XIAP: variants seen among roughly 807,000 people sequenced by gnomAD.
XIAP encodes the protein X-linked inhibitor of apoptosis, also known as E3 ubiquitin-protein ligase XIAP.
In XIAP, 3 loss-of-function variants were observed where a neutral mutation model predicts 33.1. That is an observed-to-expected ratio of 0.09 (90% CI 0.04 to 0.23). The LOEUF (loss-of-function observed/expected upper bound fraction) is 0.23. Ranked by LOEUF, XIAP falls within the 10% of genes least tolerant of loss-of-function variation. XIAP has a pLI of 1.00. For missense variants in XIAP, 264 were observed against 363.0 expected, an observed-to-expected ratio of 0.73 and a Z score of 2.22; for synonymous variants, 98 against 121.3, an observed-to-expected ratio of 0.81 and a Z score of 1.26.
Position 123,907,295 on chromosome X carries a change from GAA to G in XIAP, c.*121_*122del. The G allele has an allele frequency of 1.5e-6, 1 of 666,223 alleles. No homozygotes were observed. Among genetic ancestry groups the G allele is most frequent in the East Asian group, 3.5e-5 (1 of 28,506 alleles). The allele number at this position is 666,223 out of a possible 1,213,427, so 54.9% of individuals were successfully genotyped here. On this transcript the variant is annotated 3_prime_UTR_variant, in exon 7 of 7. Transcript: ENST00000371199. The stretch of plus-strand genomic sequence containing the variant: ...TCCATTAGCATTTGCTACCAAGTAG[GAA>G]AAAAAATGTACATGGCAGTGTTTTA...
At chrX:123,905,581 T>A (rs2053550880) in intron 6 of XIAP, among the ~76,000 whole-genome samples, 1 of 111,971 alleles carries the variant, frequency 8.9e-6, no homozygotes, top group Admixed American at 9.6e-5. Context: ...TATACTTTCC[T>A]GTTTGCTTGT....
chrX:123,889,551 C>T (rs1394427870), intron 3 of XIAP, among the ~76,000 whole-genome samples: 1 of 105,845 alleles, frequency 9.4e-6, no homozygotes, highest in Admixed American at 1.1e-4. Context: ...GAGTTTTGCT[C>T]TTGTCGCCCA....
In XIAP at chrX:123,911,861, T is replaced by C. The variant is rs773090758; in HGVS notation, c.*4680T>C. 1.8e-5 allele frequency: 6 copies of C among 327,604 alleles called. No homozygotes were observed. Among genetic ancestry groups the C allele is most frequent in the African/African-American group, 2.7e-5 (1 of 37,611 alleles). The allele number at this position is 327,604 out of a possible 1,213,427, so 27.0% of individuals were successfully genotyped here. On this transcript the variant is annotated 3_prime_UTR_variant, in exon 7 of 7. Transcript: ENST00000371199. ...TTTCTTCCTCAGCATAACAGAGTTATAGAATGACAGGGCTGGAAGTGACCT... is the reference window on the plus strand; with the variant it reads ...TTTCTTCCTCAGCATAACAGAGTTACAGAATGACAGGGCTGGAAGTGACCT...
chrX:123,865,739 G>A (rs950337799), intron 1 of XIAP, among the ~76,000 whole-genome samples: 2 of 110,096 alleles, frequency 1.8e-5, no homozygotes, highest in East Asian at 2.9e-4. Flanking sequence ...AAATAAAAGG[G>A]TATTTTGAAT....
intron 1 of XIAP, among the ~76,000 whole-genome samples, chrX:123,883,991 A>G (rs758974830): frequency 8.9e-6 from 1 of 112,030 alleles, no homozygotes; most frequent in Admixed American, 9.6e-5. Flanking sequence ...AGTCATGGAG[A>G]CTATATTCCA....
At position 123,910,793 on chromosome X, in the gene XIAP, G is replaced by A. The variant is rs954651869; in HGVS notation, c.*3612G>A. 6.1e-5 allele frequency: 17 copies of A among 279,582 alleles called. No individual in the cohort carries two copies. The highest frequency in any genetic ancestry group is 1.3e-3 in the Middle Eastern group (1 of 797). 23.0% of individuals were successfully genotyped at this position (279,582 alleles called of 1,213,427 possible). A position where few individuals can be genotyped will look rare whatever the true frequency, so the allele number is the denominator to read the frequency against. On this transcript the variant is annotated 3_prime_UTR_variant, in exon 7 of 7. Coordinates refer to ENST00000371199, the MANE Select transcript of XIAP (RefSeq NM_001167.4). ...TGAGGCAGGAGAATGGTGTGAACCCGGGAGGCAGAGCTTGCAGTGAGCCGA... is the reference window on the plus strand; with the variant it reads ...TGAGGCAGGAGAATGGTGTGAACCCAGGAGGCAGAGCTTGCAGTGAGCCGA...
chrX:123,860,715 T>C lies in XIAP; in HGVS notation c.-33+422T>C, dbSNP rs183018292. 2.7e-5 allele frequency among the ~76,000 whole-genome samples: 3 copies of C among 112,296 alleles called. No homozygotes were observed. The East Asian group carries it at 8.4e-4, about 31-fold the overall frequency. ...GGAAGAGGAAATTAGCTGGTGATTC[T>C]TTCCAATCTGCTTTCCCAGTCACCT... On this transcript the variant is annotated intron_variant, in intron 1 of 6. Transcript: ENST00000371199.
Position 123,911,793 on chromosome X carries a change from A to G in XIAP, c.*4612A>G, listed in dbSNP as rs1350706414. 29 of 328,019 alleles carry G rather than the reference A, an allele frequency of 8.8e-5. No individual in the cohort carries two copies. Among genetic ancestry groups the G allele is most frequent in the Non-Finnish European group, 9.4e-5 (16 of 169,834 alleles). The allele number at this position is 328,019 out of a possible 1,213,427, so 27.0% of individuals were successfully genotyped here. On this transcript the variant is annotated 3_prime_UTR_variant, in exon 7 of 7. Transcript: ENST00000371199. ...AAGCAATTGGCTTTTTCCCACTTCA[A>G]TAATCATTTTCAGTTTGACTCATAC...
chrX:123,860,886 A>C (rs749085186), intron 1 of XIAP, among the ~76,000 whole-genome samples: 24 of 111,713 alleles, frequency 2.1e-4, no homozygotes, highest in Non-Finnish European at 3.9e-4. Context: ...AAAAGGAACA[A>C]CGTCAATCCA....
In XIAP at chrX:123,912,624, G is replaced by A. The variant is rs764564031; in HGVS notation, c.*5443G>A. Reference sequence around the variant, plus strand: ...CATTCCAGCCTGGGTGACAGTGCAAGACCTTGTCTCAGAATAAATAAAGTA... The same window carrying A: ...CATTCCAGCCTGGGTGACAGTGCAAAACCTTGTCTCAGAATAAATAAAGTA... On this transcript the variant is annotated 3_prime_UTR_variant, in exon 7 of 7. Transcript: ENST00000371199. The A allele has an allele frequency of 1.8e-5, 6 of 324,694 alleles. No individual in the cohort carries two copies. Among genetic ancestry groups the A allele is most frequent in the South Asian group, 1.6e-4 (6 of 37,472 alleles). The allele number at this position is 324,694 out of a possible 1,213,427, so 26.8% of individuals were successfully genotyped here. A position where few individuals can be genotyped will look rare whatever the true frequency, so the allele number is the denominator to read the frequency against.
chrX:123,900,606 A>G lies in XIAP; in HGVS notation c.1213A>G (p.Lys405Glu). Residue 405 changes from lysine (K) to glutamate (E), a missense_variant, in exon 6 of 7, where the codon AAA (lysine) becomes GAA (glutamate). Transcript: ENST00000371199. ...AATTCAGATATCTGGGAGCAACTAT[A>G]AATCACTTGAGGTTCTGGTTGCAGA... Reference protein sequence around the residue: ...EKIQISGSNYKSLEVLVADLV... With the variant: ...EKIQISGSNYESLEVLVADLV... The G allele has an allele frequency of 8.3e-7, 1 of 1,211,436 alleles. No individual in the cohort carries two copies. Among genetic ancestry groups the G allele is most frequent in the Non-Finnish European group, 1.1e-6 (1 of 895,264 alleles).
chrX:123,869,372 A>AAAAAAAAAAAAAAAAAAAAAAAAT (rs2053173098), intron 1 of XIAP, among the ~76,000 whole-genome samples: 1 of 97,208 alleles, frequency 1.0e-5, no homozygotes, highest in Non-Finnish European at 2.1e-5. Context: ...CAAAAAAAAA[A>AAAAAAAAAAAAAAAAAAAAAAAAT]AAAAAAAAAA....
intron 1 of XIAP, among the ~76,000 whole-genome samples, chrX:123,876,205 A>G (rs187276170): frequency 2.4e-3 from 227 of 96,571 alleles, no homozygotes; most frequent in Non-Finnish European, 4.1e-3. Context: ...GAGCCACCGC[A>G]TGTGACCTCA....
chrX:123,883,926 C>T (rs2053328413), intron 1 of XIAP, among the ~76,000 whole-genome samples: 1 of 111,659 alleles, frequency 9.0e-6, no homozygotes, highest in South Asian at 3.7e-4. Context: ...AACAAAGGGC[C>T]TTGAAGCTAA....
At chrX:123,872,212 T>G (rs757693876) in intron 1 of XIAP, among the ~76,000 whole-genome samples, 1 of 111,488 alleles carries the variant, frequency 9.0e-6, no homozygotes, top group Non-Finnish European at 1.9e-5. Flanking sequence ...ACTTCTTTCT[T>G]CTTACCAGGC....
At position 123,886,030 on chromosome X, in the gene XIAP, G is replaced by A. The variant is rs368343771; in HGVS notation, c.368G>A (p.Ser123Asn). The A allele has an allele frequency of 8.3e-6, 10 of 1,210,396 alleles. No individual in the cohort carries two copies. In the African/African-American group the frequency reaches 1.2e-4, roughly 15 times the overall value. The stretch of plus-strand genomic sequence containing the variant: ...TACAAAGTTGAAAACTATCTGGGAA[G>A]CAGAGATCATTTTGCCTTAGACAGG... ...GQYKVENYLG[S>N]RDHFALDRPS... Residue 123 changes from serine to asparagine, a missense_variant, in exon 2 of 7, where the codon AGC (serine) becomes AAC (asparagine). Coordinates refer to ENST00000371199, the MANE Select transcript of XIAP (RefSeq NM_001167.4).
intron 1 of XIAP, among the ~76,000 whole-genome samples, chrX:123,884,130 T>G (rs1409996875): frequency 1.8e-5 from 2 of 112,030 alleles, no homozygotes; most frequent in Non-Finnish European, 3.8e-5. Flanking sequence ...CAAAAGAGAT[T>G]AAATTTTAAG....
chrX:123,892,073 G>C (rs1480416822), intron 4 of XIAP, among the ~76,000 whole-genome samples: 2 of 111,271 alleles, frequency 1.8e-5, no homozygotes, highest in Non-Finnish European at 3.8e-5. Flanking sequence ...TATCTAAATT[G>C]ATAGGATGGG....
chrX:123,897,518 A>G (rs1167411455), intron 5 of XIAP, among the ~76,000 whole-genome samples: 2 of 111,366 alleles, frequency 1.8e-5, no homozygotes, highest in East Asian at 2.8e-4. Context: ...AAAACCTTGT[A>G]TAAAGGAGAG....
Sources: gnomAD v4.1 joint callset for allele counts (sites outside exome capture counted in the v4.1 genomes callset) on GRCh38, gnomAD v4.1.1 for gene constraint, MANE v1.5 for transcripts, NCBI Gene and HGNC (gene_info 2026-07-23, HGNC 2026-07-21) for gene names.